The following ANKFN1 variants were observed in gnomAD, a reference collection of about 807,000 sequenced individuals.
The protein encoded by ANKFN1 is ankyrin repeat and fibronectin type III domain containing 1.
A neutral mutation model predicts 108.7 loss-of-function variants in ANKFN1; 74 were observed. That is an observed-to-expected ratio of 0.68 (90% confidence interval 0.56 to 0.83). The LOEUF is 0.83. ANKFN1 is among the 40% of genes least tolerant of loss of function. ANKFN1 has a pLI of 0.00. For synonymous variants in ANKFN1, 547 were observed against 516.2 expected, an observed-to-expected ratio of 1.06 and a Z score of -0.81; for missense variants, 1,505 against 1,382.3, an observed-to-expected ratio of 1.09 and a Z score of -1.41.
chr17:56,314,607 T>G (rs191719495), intron 3 of ANKFN1, among the ~76,000 whole-genome samples: 1 of 152,328 alleles, frequency 6.6e-6, no homozygotes, highest in African/African-American at 2.4e-5. Flanking sequence ...TTTCACTTTA[T>G]AGATAAGAGA....
At chr17:56,047,951 C>A (rs1367903467) in intron 4 of ANKFN1, among the ~76,000 whole-genome samples, 1 of 152,168 alleles carries the variant, frequency 6.6e-6, no homozygotes, top group African/African-American at 2.4e-5. Flanking sequence ...ATTGCAGAAA[C>A]GTTACAGTGT....
At chr17:56,123,089 T>C (rs973427418) in intron 4 of ANKFN1, among the ~76,000 whole-genome samples, 7 of 152,246 alleles carry the variant, frequency 4.6e-5, no homozygotes, top group African/African-American at 1.7e-4. Context: ...TCTACCATTA[T>C]TTCCCCTACT....
intron 4 of ANKFN1, among the ~76,000 whole-genome samples, chr17:56,127,970 A>G (rs888195083): frequency 6.6e-6 from 1 of 152,150 alleles, no homozygotes; most frequent in African/African-American, 2.4e-5. Context: ...TAATAGCAAA[A>G]CTATTGTTAT....
intron 3 of ANKFN1, among the ~76,000 whole-genome samples, chr17:56,320,786 C>A (rs1222845020): frequency 6.6e-6 from 1 of 152,058 alleles, no homozygotes; most frequent in Non-Finnish European, 1.5e-5. Flanking sequence ...TTAAGAGAAT[C>A]CCGTTTCTCA....
intron 4 of ANKFN1, among the ~76,000 whole-genome samples, chr17:56,101,696 T>G (rs1905649115): frequency 6.6e-6 from 1 of 152,168 alleles, no homozygotes. Flanking sequence ...TTTGTGTGGT[T>G]AAGTTCCATG....
chr17:56,411,869 G>A (rs1198544536), intron 8 of ANKFN1, among the ~76,000 whole-genome samples: 3 of 152,150 alleles, frequency 2.0e-5, no homozygotes, highest in African/African-American at 7.2e-5. Flanking sequence ...TATTTATAGT[G>A]TGCTGTTGAA....
chr17:56,173,902 A>G (rs1910896185), intron 1 of ANKFN1, among the ~76,000 whole-genome samples: 2 of 152,248 alleles, frequency 1.3e-5, no homozygotes, highest in Non-Finnish European at 2.9e-5. Flanking sequence ...CAGATATCTG[A>G]GACCCACTGA....
intron 4 of ANKFN1, among the ~76,000 whole-genome samples, chr17:56,062,683 C>G (rs1424292701): frequency 6.6e-6 from 1 of 151,646 alleles, no homozygotes; most frequent in Non-Finnish European, 1.5e-5. Context: ...GGTCTTGACT[C>G]TATCCAATTT....
chr17:56,395,400 C>T (rs2047551241), intron 8 of ANKFN1, among the ~76,000 whole-genome samples: 3 of 152,112 alleles, frequency 2.0e-5, no homozygotes, highest in Admixed American at 2.0e-4. Flanking sequence ...AACTAGCAGC[C>T]CAAGGGCAAG....
At chr17:56,470,664 A>G (rs187212438) in intron 15 of ANKFN1, among the ~76,000 whole-genome samples, 11 of 152,266 alleles carry the variant, frequency 7.2e-5, no homozygotes, top group African/African-American at 2.6e-4. Flanking sequence ...TTCAAAACAG[A>G]TAGGGCTTTA....
intron 3 of ANKFN1, among the ~76,000 whole-genome samples, chr17:56,304,919 A>G (rs991025522): frequency 2.0e-5 from 3 of 152,190 alleles, no homozygotes; most frequent in South Asian, 4.2e-4. Flanking sequence ...GAGGTTTGAA[A>G]AGTCATTATA....
intron 1 of ANKFN1, among the ~76,000 whole-genome samples, chr17:56,195,792 G>A (rs1913452186): frequency 6.6e-6 from 1 of 151,674 alleles, no homozygotes; most frequent in Non-Finnish European, 1.5e-5. Context: ...TCCATAACAG[G>A]GCATGTATCT....
chr17:56,097,141 C>A (rs1390664943), intron 4 of ANKFN1, among the ~76,000 whole-genome samples: 1 of 152,144 alleles, frequency 6.6e-6, no homozygotes, highest in East Asian at 1.9e-4. Context: ...AGGTACTATG[C>A]TTATTACCTG....
intron 4 of ANKFN1, among the ~76,000 whole-genome samples, chr17:56,105,460 C>T (rs1360480029): frequency 6.6e-6 from 1 of 152,072 alleles, no homozygotes; most frequent in Non-Finnish European, 1.5e-5. Context: ...CTCTCTCTCT[C>T]ACTCTCTCCC....
At chr17:56,115,960 A>G (rs1906240923) in intron 4 of ANKFN1, among the ~76,000 whole-genome samples, 2 of 152,174 alleles carry the variant, frequency 1.3e-5, no homozygotes, top group Admixed American at 1.3e-4. Context: ...TTAGAGGACA[A>G]CACTGAATGT....
intron 3 of ANKFN1, among the ~76,000 whole-genome samples, chr17:56,302,451 G>C (rs2044698109): frequency 6.7e-6 from 1 of 148,580 alleles, no homozygotes. Context: ...GGAGTTTAAA[G>C]CTGCAGTGAG....
At chr17:56,489,746 G>A (rs989685003) in intron 18 of ANKFN1, among the ~76,000 whole-genome samples, 2 of 151,592 alleles carry the variant, frequency 1.3e-5, no homozygotes, top group African/African-American at 4.9e-5. Flanking sequence ...TTACCTCTTG[G>A]TTCAGAAAGG....
intron 4 of ANKFN1, among the ~76,000 whole-genome samples, chr17:56,144,908 T>C (rs545871912): frequency 4.5e-4 from 68 of 152,256 alleles, no homozygotes; most frequent in Middle Eastern, 3.4e-3. Context: ...GCTCAGGATT[T>C]TCTTTTTCCT....
intron 6 of ANKFN1, among the ~76,000 whole-genome samples, chr17:56,366,585 C>T (rs931792860): frequency 6.6e-6 from 1 of 152,120 alleles, no homozygotes; most frequent in Admixed American, 6.6e-5. Context: ...ATGTTTTATC[C>T]TTTATGCCAT....
Sources: allele counts gnomAD v4.1 joint callset (sites outside exome capture counted in the v4.1 genomes callset), GRCh38; gene constraint gnomAD v4.1.1; transcripts MANE v1.5; gene names NCBI Gene and HGNC (gene_info 2026-07-23, HGNC 2026-07-21).